Variants in FTO observed in about 807,000 individuals in gnomAD.
The protein encoded by FTO is FTO alpha-ketoglutarate dependent dioxygenase.
Under a neutral mutation model 63.9 loss-of-function variants are expected in FTO, and 47 were observed. The observed-to-expected ratio is 0.74, with a 90% CI of 0.58 to 0.94. The LOEUF (loss-of-function observed/expected upper bound fraction) is 0.94, where lower values mean the gene tolerates loss of function less well. Among genes scored for constraint, FTO ranks in the 40% least tolerant of loss-of-function variants. FTO has a pLI of 0.00. For synonymous variants in FTO, 207 were observed against 224.4 expected (o/e 0.92, Z 0.69); for missense variants, 562 against 618.1 (o/e 0.91, Z 0.96).
chr16:53,979,567 G>A (rs1218154136), intron 8 of FTO: 4 of 380,444 alleles, frequency 1.1e-5, no homozygotes, highest in East Asian at 7.5e-5. Context: ...GTGTGTGTGT[G>A]CGCGCGTGTG....
chr16:54,072,351 T>TGACTACAGATGCA (rs1343672660), intron 8 of FTO: 4 of 152,196 alleles, frequency 2.6e-5, no homozygotes, highest in East Asian at 1.9e-4. Flanking sequence ...CCGTCTGTCA[T>TGACTACAGATGCA]GACTACAGAT....
intron 8 of FTO, among the ~76,000 whole-genome samples, chr16:53,986,380 T>A (rs1298842324): frequency 1.3e-5 from 2 of 152,176 alleles, no homozygotes; most frequent in African/African-American, 4.8e-5. Context: ...AACAGGGTGT[T>A]TCTCTGCTCC....
intron 8 of FTO, among the ~76,000 whole-genome samples, chr16:54,054,912 T>G (rs1409383402): frequency 6.6e-6 from 1 of 152,172 alleles, no homozygotes. Context: ...AAATGGCAGT[T>G]GAATCACCCC....
At chr16:53,934,437 A>C (rs1477434902) in intron 8 of FTO, among the ~76,000 whole-genome samples, 4 of 152,246 alleles carry the variant, frequency 2.6e-5, no homozygotes, top group Non-Finnish European at 4.4e-5. Context: ...TAGCATTGCT[A>C]TTTCATTAGA....
intron 8 of FTO, among the ~76,000 whole-genome samples, chr16:54,041,273 C>T (rs2085068640): frequency 6.6e-6 from 1 of 152,006 alleles, no homozygotes; most frequent in African/African-American, 2.4e-5. Context: ...GGAGAGGGAG[C>T]ACAGGGGGAA....
intron 7 of FTO, among the ~76,000 whole-genome samples, chr16:53,912,366 T>G (rs988458694): frequency 6.6e-6 from 1 of 152,182 alleles, no homozygotes; most frequent in Non-Finnish European, 1.5e-5. Flanking sequence ...TTTGTGGTTT[T>G]ATGTGTTAAC....
intron 8 of FTO, among the ~76,000 whole-genome samples, chr16:54,035,885 A>G (rs943495645): frequency 6.6e-6 from 1 of 151,992 alleles, no homozygotes; most frequent in Non-Finnish European, 1.5e-5. Flanking sequence ...TGTTGGCTAC[A>G]TTTCTTTCCT....
At chr16:54,111,733 G>T (rs1567578590) in intron 8 of FTO, 29 bp from the exon 9 acceptor site, 4 of 1,613,856 alleles carry the variant, frequency 2.5e-6, no homozygotes, top group Admixed American at 1.7e-5. Flanking sequence ...TTCCTCCCGT[G>T]GATTAATTTC....
At chr16:53,790,101 T>C (rs8056073) in intron 1 of FTO, among the ~76,000 whole-genome samples, 1 of 150,742 alleles carries the variant, frequency 6.6e-6, no homozygotes, top group East Asian at 1.9e-4. Context: ...ATATGTATTT[T>C]TAATTGTAAA....
intron 8 of FTO, among the ~76,000 whole-genome samples, chr16:54,021,137 C>T (rs147619087): frequency 9.2e-5 from 14 of 152,224 alleles, no homozygotes; most frequent in African/African-American, 1.2e-4. Flanking sequence ...TTTTGTCTTT[C>T]TTCCCCTCAA....
At chr16:53,725,155 G>A (rs2076126002) in intron 1 of FTO, among the ~76,000 whole-genome samples, 1 of 152,142 alleles carries the variant, frequency 6.6e-6, no homozygotes. Flanking sequence ...GTCTGAAGGA[G>A]AACTTTCTTT....
intron 8 of FTO, among the ~76,000 whole-genome samples, chr16:54,085,749 G>T (rs2144530117): frequency 6.6e-6 from 1 of 152,266 alleles, no homozygotes; most frequent in African/African-American, 2.4e-5. Context: ...TTTAGAGCTT[G>T]GTCTGGAATA....
At chr16:53,987,642 G>A (rs1255647489) in intron 8 of FTO, among the ~76,000 whole-genome samples, 1 of 151,252 alleles carries the variant, frequency 6.6e-6, no homozygotes, top group African/African-American at 2.4e-5. Context: ...CCATTCTATG[G>A]GTTTGTGCAC....
rs1239938636 is a variant in FTO, at chr16:53,852,739, A to G, written c.895+8441A>G. On this transcript the variant is annotated intron_variant, in intron 4 of 8. Coordinates refer to ENST00000471389, the MANE Select transcript of FTO (RefSeq NM_001080432.3). ...TTTTATACTTAATCAAAAGCTCAAA[A>G]TTATGTACATTTTAGCTTGCTTTGT... is the stretch of plus-strand genomic sequence containing the variant. Among the ~76,000 whole-genome samples, 18 of 152,302 alleles carry G rather than the reference A, an allele frequency of 1.2e-4. No homozygotes were observed. The East Asian group carries it at 3.1e-3, about 26-fold the overall frequency.
rs559087188 is a variant in FTO at position 53,883,481 on chromosome 16, G to T, written c.1119+3494G>T. Among the ~76,000 whole-genome samples the T allele has an allele frequency of 2.4e-3, 363 of 152,202 alleles. 3 individuals are homozygous for T. Among genetic ancestry groups the T allele is most frequent in the Middle Eastern group, 0.014 (4 of 294 alleles). On this transcript the variant is annotated intron_variant, in intron 6 of 8. Coordinates refer to ENST00000471389, the MANE Select transcript of FTO (RefSeq NM_001080432.3). Reference sequence around the variant, plus strand: ...ACTAAAAATACAAAAAGTTAGCCAGGTGTGGTGGCGGGCGCCTGTAATCCC... The same window carrying T: ...ACTAAAAATACAAAAAGTTAGCCAGTTGTGGTGGCGGGCGCCTGTAATCCC...
chr16:53,991,411 G>T (rs2083807688), intron 8 of FTO: 1 of 152,186 alleles, frequency 6.6e-6, no homozygotes, highest in South Asian at 2.1e-4. Flanking sequence ...TGATGGCCGG[G>T]AGAAGCCAGG....
intron 8 of FTO, among the ~76,000 whole-genome samples, chr16:53,967,140 C>T (rs1443541460): frequency 6.6e-6 from 1 of 152,080 alleles, no homozygotes. Context: ...TTTTATTTTC[C>T]CCTTTTTTTG....
intron 1 of FTO, among the ~76,000 whole-genome samples, chr16:53,796,316 C>A (rs866937096): frequency 1.3e-5 from 2 of 152,084 alleles, no homozygotes; most frequent in Admixed American, 6.5e-5. Context: ...AGTGCCGGGA[C>A]TGTAGGAGCG....
rs1015651747 is a variant in FTO at position 53,715,617 on chromosome 16, C to T, written c.45+11388C>T. Among the ~76,000 whole-genome samples the T allele has an allele frequency of 1.3e-4, 20 of 152,152 alleles. 1 individual carries two copies. Among genetic ancestry groups the T allele is most frequent in the South Asian group, 4.1e-4 (2 of 4,830 alleles). ...TGCTTTTCAGACAATGAGGCATATC[C>T]GCTCCGCCTCTTATGTCTTGTGAGA... On this transcript the variant is annotated intron_variant, in intron 1 of 8. Coordinates refer to ENST00000471389, the MANE Select transcript of FTO (RefSeq NM_001080432.3).
Sources: gnomAD v4.1 joint callset for allele counts (sites outside exome capture counted in the v4.1 genomes callset) on GRCh38, gnomAD v4.1.1 for gene constraint, MANE v1.5 for transcripts, NCBI Gene and HGNC (gene_info 2026-07-23, HGNC 2026-07-21) for gene names.